SIPA1L1: variants seen among roughly 807,000 people sequenced by gnomAD.
SIPA1L1 encodes signal-induced proliferation-associated 1-like protein 1.
In SIPA1L1, 26 loss-of-function variants were observed where a neutral mutation model predicts 162.7. That is an observed-to-expected ratio of 0.16 (90% CI 0.12 to 0.22). SIPA1L1 has a LOEUF of 0.22. Ranked by LOEUF, SIPA1L1 falls within the 10% of genes least tolerant of loss-of-function variation. The pLI is 1.00. For synonymous variants in SIPA1L1, 829 were observed against 837.4 expected, an observed-to-expected ratio of 0.99 and a Z score of 0.17; for missense variants, 1,874 against 2,241.0, an observed-to-expected ratio of 0.84 and a Z score of 3.31.
intron 4 of SIPA1L1, among the ~76,000 whole-genome samples, chr14:71,539,752 C>A (rs1477724501): frequency 6.6e-6 from 1 of 152,172 alleles, no homozygotes; most frequent in African/African-American, 2.4e-5. Flanking sequence ...TTGAAGAGCT[C>A]TTCCCATGGA....
chr14:71,332,163 G>A (rs72728441), intron 2 of SIPA1L1, among the ~76,000 whole-genome samples: 271 of 152,300 alleles, frequency 1.8e-3, no homozygotes, highest in Non-Finnish European at 2.9e-3. Flanking sequence ...TTTGAATGGT[G>A]ACCATATGAA....
intron 2 of SIPA1L1, among the ~76,000 whole-genome samples, chr14:71,422,751 C>G (rs1195178504): frequency 1.3e-5 from 2 of 152,188 alleles, no homozygotes; most frequent in Middle Eastern, 3.2e-3. Flanking sequence ...GGGTGGCTTC[C>G]GCCTTTTAGC....
chr14:71,486,309 A>G (rs1243929251), intron 2 of SIPA1L1, among the ~76,000 whole-genome samples: 2 of 152,368 alleles, frequency 1.3e-5, no homozygotes, highest in East Asian at 1.9e-4. Context: ...TGGTGTTTCT[A>G]TCAAGTCATC....
intron 12 of SIPA1L1, among the ~76,000 whole-genome samples, chr14:71,682,410 G>T (rs2045889999): frequency 6.6e-6 from 1 of 152,134 alleles, no homozygotes; most frequent in African/African-American, 2.4e-5. Context: ...CTTCTGTTTT[G>T]CAGAGTTAAG....
At chr14:71,322,454 C>A (rs2033168005) in intron 2 of SIPA1L1, among the ~76,000 whole-genome samples, 2 of 152,092 alleles carry the variant, frequency 1.3e-5, no homozygotes. Flanking sequence ...AATTAAGCTA[C>A]CTTTACCAGG....
At chr14:71,464,762 T>C (rs1306696445) in intron 2 of SIPA1L1, among the ~76,000 whole-genome samples, 1 of 152,202 alleles carries the variant, frequency 6.6e-6, no homozygotes, top group African/African-American at 2.4e-5. Flanking sequence ...ACTCTTAATA[T>C]CCATTCCCAT....
chr14:71,518,543 G>T (rs1179034255), intron 3 of SIPA1L1, among the ~76,000 whole-genome samples: 1 of 152,114 alleles, frequency 6.6e-6, no homozygotes, highest in Non-Finnish European at 1.5e-5. Context: ...TTGGGCTTTT[G>T]ATTTTTCATG....
chr14:71,734,162 T>G (rs1325887332), intron 21 of SIPA1L1, among the ~76,000 whole-genome samples: 2 of 152,264 alleles, frequency 1.3e-5, no homozygotes, highest in Non-Finnish European at 2.9e-5. Context: ...TTGCTAAATG[T>G]CACAGTGCCT....
chr14:71,625,491 T>G (rs2039885221), intron 7 of SIPA1L1, among the ~76,000 whole-genome samples: 1 of 152,216 alleles, frequency 6.6e-6, no homozygotes, highest in African/African-American at 2.4e-5. Context: ...ATCTTTGCCT[T>G]TTTCTATCCA....
At chr14:71,348,231 C>T (rs1401063925) in intron 2 of SIPA1L1, among the ~76,000 whole-genome samples, 2 of 152,080 alleles carry the variant, frequency 1.3e-5, no homozygotes, top group African/African-American at 4.8e-5. Flanking sequence ...ATTACCAGCC[C>T]CCACAAAAGC....
chr14:71,494,765 G>A (rs1017394066), intron 2 of SIPA1L1, among the ~76,000 whole-genome samples: 1 of 151,988 alleles, frequency 6.6e-6, no homozygotes, highest in East Asian at 1.9e-4. Flanking sequence ...TCAGCCTCCC[G>A]AGTAGCTGGG....
chr14:71,409,353 C>T (rs1441220115), intron 2 of SIPA1L1, among the ~76,000 whole-genome samples: 1 of 151,906 alleles, frequency 6.6e-6, no homozygotes, highest in Non-Finnish European at 1.5e-5. Context: ...TTTTGTTTTG[C>T]CAGGCCACCC....
intron 2 of SIPA1L1, among the ~76,000 whole-genome samples, chr14:71,325,035 A>G (rs781327551): frequency 6.6e-6 from 1 of 152,124 alleles, no homozygotes; most frequent in African/African-American, 2.4e-5. Flanking sequence ...CCTTGAGGTG[A>G]GGGGGTTTCC....
intron 4 of SIPA1L1, among the ~76,000 whole-genome samples, chr14:71,533,206 T>TA (rs1480459690): frequency 3.3e-5 from 5 of 152,206 alleles, no homozygotes; most frequent in South Asian, 2.1e-4. Context: ...CATTTATTTT[T>TA]AAAAAATCAA....
Position 71,325,983 on chromosome 14 carries a change from G to A in SIPA1L1, c.-465+4802G>A, listed in dbSNP as rs114201673. ...GAGAATTGCTGGTTCACACAAACTC[G>A]GGGGTCACTCAAAGGCAACTTGAGC... On this transcript the variant is annotated intron_variant, in intron 2 of 23. Transcript: ENST00000381232. Among the ~76,000 whole-genome samples, 520 of 152,252 alleles carry A rather than the reference G, an allele frequency of 3.4e-3. 4 individuals are homozygous for A. The highest frequency in any genetic ancestry group is 0.012 in the African/African-American group (496 of 41,526).
chr14:71,636,863 C>T (rs1018407486), intron 7 of SIPA1L1, among the ~76,000 whole-genome samples: 1 of 151,110 alleles, frequency 6.6e-6, no homozygotes, highest in Non-Finnish European at 1.5e-5. Flanking sequence ...CCAGCCTGGC[C>T]AACATGGTGA....
intron 2 of SIPA1L1, among the ~76,000 whole-genome samples, chr14:71,416,755 A>G (rs1438746912): frequency 6.6e-6 from 1 of 150,988 alleles, no homozygotes; most frequent in Admixed American, 6.6e-5. Context: ...ACACACACGC[A>G]TGCACACACA....
intron 2 of SIPA1L1, among the ~76,000 whole-genome samples, chr14:71,490,972 A>G (rs1178741032): frequency 6.6e-6 from 1 of 152,254 alleles, no homozygotes; most frequent in Non-Finnish European, 1.5e-5. Context: ...TATTTAACTT[A>G]GTAGCAATGA....
chr14:71,518,391 G>A (rs1202020103), intron 3 of SIPA1L1, among the ~76,000 whole-genome samples: 1 of 152,042 alleles, frequency 6.6e-6, no homozygotes, highest in Non-Finnish European at 1.5e-5. Flanking sequence ...CCCTCCACAT[G>A]CATAAACACA....
Sources: allele counts gnomAD v4.1 joint callset (sites outside exome capture counted in the v4.1 genomes callset), GRCh38; gene constraint gnomAD v4.1.1; transcripts MANE v1.5; gene names NCBI Gene and HGNC (gene_info 2026-07-23, HGNC 2026-07-21).